The following KANK1 variants were observed in gnomAD, a reference collection of about 807,000 sequenced individuals.
The protein encoded by KANK1 is KN motif and ankyrin repeat domain-containing protein 1.
A neutral mutation model predicts 106.2 loss-of-function variants in KANK1; 109 were observed. The observed-to-expected ratio is 1.03, with a 90% CI of 0.88 to 1.20. KANK1 has a LOEUF of 1.20. Ranked by LOEUF, KANK1 falls within the 50% of genes most tolerant of loss-of-function variation. The pLI is 0.00. For missense variants in KANK1, 2,399 were observed against 1,710.7 expected (o/e 1.40, Z -7.10); for synonymous variants, 873 against 652.2 (o/e 1.34, Z -5.16).
intron 1 of KANK1, among the ~76,000 whole-genome samples, chr9:641,323 C>T (rs990322086): frequency 2.0e-5 from 3 of 152,162 alleles, no homozygotes; most frequent in Non-Finnish European, 2.9e-5. Flanking sequence ...TTTACCTAAT[C>T]GTCGTTTCCT....
chr9:672,928 T>G (rs1173562288), intron 1 of KANK1, among the ~76,000 whole-genome samples: 1 of 152,202 alleles, frequency 6.6e-6, no homozygotes. Flanking sequence ...AAGCCACCAT[T>G]GTACCACTTA....
rs16919713 is a variant in KANK1, at chr9:564,754, A to G, written c.-84+60000A>G. Among the ~76,000 whole-genome samples, 16 of 152,180 alleles carry G rather than the reference A, an allele frequency of 1.1e-4. No individual in the cohort carries two copies. The South Asian group carries it at 1.2e-3, about 12-fold the overall frequency. Reference sequence around the variant, plus strand: ...GAGATGCCCTTACTGTTAACTGCTTATTCTCTGTGCTTCTTAATTCATATT... The same window carrying G: ...GAGATGCCCTTACTGTTAACTGCTTGTTCTCTGTGCTTCTTAATTCATATT... On this transcript the variant is annotated intron_variant, in intron 1 of 11. Transcript: ENST00000382297.
At chr9:539,886 G>A (rs1402536561) in intron 1 of KANK1, among the ~76,000 whole-genome samples, 2 of 152,154 alleles carry the variant, frequency 1.3e-5, no homozygotes, top group African/African-American at 4.8e-5. Context: ...ATTTTTATAT[G>A]TTGATTTTAG....
In KANK1 at chr9:732,294, T is replaced by C. The variant is rs1438887486; in HGVS notation, c.3006-84T>C. The C allele has an allele frequency of 7.4e-6, 11 of 1,488,488 alleles. No homozygotes were observed. The East Asian group carries it at 2.1e-4, about 28-fold the overall frequency. 92.2% of individuals were successfully genotyped at this position (1,488,488 alleles called of 1,614,324 possible). Reference sequence around the variant, plus strand: ...CCACTAGTGAAATTTCTGGAGTCAATTAGCAAATCCCTTCATAGAAATTTC... The same window carrying C: ...CCACTAGTGAAATTTCTGGAGTCAACTAGCAAATCCCTTCATAGAAATTTC... On this transcript the variant is annotated intron_variant, in intron 5 of 11. Transcript: ENST00000382297.
At chr9:606,341 G>A (rs1415662779) in intron 1 of KANK1, among the ~76,000 whole-genome samples, 1 of 138,860 alleles carries the variant, frequency 7.2e-6, no homozygotes, top group African/African-American at 3.4e-5. Context: ...CAAATCACCT[G>A]AGGTCAGGAA....
chr9:719,452 G>A (rs1358844010), intron 3 of KANK1, among the ~76,000 whole-genome samples: 1 of 152,148 alleles, frequency 6.6e-6, no homozygotes, highest in Admixed American at 6.5e-5. Flanking sequence ...AGCTGAAAAT[G>A]TGGCACAGCT....
chr9:731,268 TA>T lies in KANK1; in HGVS notation c.3005+4del. ...TCAGTTTGTTGGCATTAATGGAGGGTAAGGAAAGATGGTGGTTCTAGAGGCT... is the reference window on the plus strand; with the variant it reads ...TCAGTTTGTTGGCATTAATGGAGGGTAGGAAAGATGGTGGTTCTAGAGGCT... On this transcript the variant is annotated splice_donor_region_variant and intron_variant, in intron 5 of 11. Transcript: ENST00000382297. 6.4e-7 allele frequency: 1 copy of T among 1,552,058 alleles called. No individual in the cohort carries two copies. The highest frequency in any genetic ancestry group is 2.3e-5 in the East Asian group (1 of 44,358).
chr9:541,782 A>G (rs1356254424), intron 1 of KANK1, among the ~76,000 whole-genome samples: 1 of 152,196 alleles, frequency 6.6e-6, no homozygotes, highest in Non-Finnish European at 1.5e-5. Flanking sequence ...GCAAGAAAAT[A>G]AATAACCGGA....
At chr9:603,935 G>C (rs1300588940) in intron 1 of KANK1, among the ~76,000 whole-genome samples, 1 of 146,532 alleles carries the variant, frequency 6.8e-6, no homozygotes, top group Admixed American at 6.9e-5. Flanking sequence ...TTCCAGCTTG[G>C]GTGACAGAGC....
At chr9:485,251 T>C in intron 3 of KANK1, among the ~76,000 whole-genome samples, 1 of 152,210 alleles carries the variant, frequency 6.6e-6, no homozygotes, top group African/African-American at 2.4e-5. Flanking sequence ...CATTGAGAAA[T>C]GGGCATGTGA....
intron 1 of KANK1, among the ~76,000 whole-genome samples, chr9:526,740 A>G (rs1185904293): frequency 1.3e-5 from 2 of 151,704 alleles, no homozygotes; most frequent in African/African-American, 2.4e-5. Flanking sequence ...ATGTTGAACC[A>G]TAAGAAAATG....
At chr9:564,836 G>T (rs16919733) in intron 1 of KANK1, among the ~76,000 whole-genome samples, 38,935 of 152,144 alleles carry the variant, frequency 0.26, 5,256 homozygotes, top group Admixed American at 0.38. Context: ...GTCAACTCAT[G>T]TGAGTCTCAT....
At chr9:717,584 T>A (rs1475191673) in intron 3 of KANK1, among the ~76,000 whole-genome samples, 1 of 152,230 alleles carries the variant, frequency 6.6e-6, no homozygotes, top group African/African-American at 2.4e-5. Flanking sequence ...CTGTATTTTT[T>A]AATTCCTGAT....
At chr9:714,730 T>A (rs1827225550) in intron 3 of KANK1, among the ~76,000 whole-genome samples, 1 of 152,190 alleles carries the variant, frequency 6.6e-6, no homozygotes, top group African/African-American at 2.4e-5. Context: ...CTCTTCCTTC[T>A]TGAAATTGAA....
Position 565,359 on chromosome 9 carries a change from G to C in KANK1, c.-84+60605G>C, listed in dbSNP as rs553220395. On this transcript the variant is annotated intron_variant, in intron 1 of 11. Transcript: ENST00000382297. The stretch of plus-strand genomic sequence containing the variant: ...GTTTGCTCCCATTCTACCTTGTGCA[G>C]ACAGTAGTTTAAGGATGTCTTCTGC... Among the ~76,000 whole-genome samples the C allele has an allele frequency of 2.0e-5, 3 of 152,346 alleles. No homozygotes were observed. In the South Asian group the frequency reaches 6.2e-4, roughly 32 times the overall value.
chr9:552,609 C>T (rs1341653045), intron 1 of KANK1, among the ~76,000 whole-genome samples: 1 of 152,186 alleles, frequency 6.6e-6, no homozygotes, highest in East Asian at 1.9e-4. Flanking sequence ...GGAATTTTGC[C>T]TGCCTTCTGC....
chr9:713,565 G>A (rs1444806540), intron 3 of KANK1, 101 bp downstream of exon 3: 3 of 1,266,034 alleles, frequency 2.4e-6, no homozygotes, highest in East Asian at 4.8e-5. Flanking sequence ...ATTTTTGGAG[G>A]AGAAATGGAG....
chr9:707,024 G>A, intron 2 of KANK1: 1 of 985,496 alleles, frequency 1.0e-6, no homozygotes, highest in Non-Finnish European at 1.2e-6. Context: ...AGGGAATGCG[G>A]AACAGCTGAG....
chr9:674,445 T>G (rs1341029992), intron 1 of KANK1: 2 of 151,782 alleles, frequency 1.3e-5, no homozygotes, highest in African/African-American at 2.4e-5. Flanking sequence ...CTGAGTTGCT[T>G]TCACAGTAGT....
Sources: gnomAD v4.1 joint callset for allele counts (sites outside exome capture counted in the v4.1 genomes callset) on GRCh38, gnomAD v4.1.1 for gene constraint, MANE v1.5 for transcripts, NCBI Gene and HGNC (gene_info 2026-07-23, HGNC 2026-07-21) for gene names.